The following CFAP20DC variants were observed in gnomAD, a reference collection of about 807,000 sequenced individuals.
CFAP20DC encodes protein CFAP20DC.
Under a neutral mutation model 101.7 loss-of-function variants are expected in CFAP20DC, and 84 were observed. That is an observed-to-expected ratio of 0.83 (90% CI 0.69 to 0.99). The LOEUF (loss-of-function observed/expected upper bound fraction) is 0.99. CFAP20DC is among the 50% of genes least tolerant of loss of function. The pLI is 0.00. For missense variants in CFAP20DC, 1,007 were observed against 970.3 expected (o/e 1.04, Z -0.50); for synonymous variants, 359 against 351.2 (o/e 1.02, Z -0.25).
At chr3:58,825,225 A>G (rs1032799005) in intron 14 of CFAP20DC, among the ~76,000 whole-genome samples, 1 of 152,150 alleles carries the variant, frequency 6.6e-6, no homozygotes, top group Non-Finnish European at 1.5e-5. Flanking sequence ...TAAAAAGGGA[A>G]AATGTCCTAG....
chr3:58,796,925 G>T (rs190216016), intron 15 of CFAP20DC, among the ~76,000 whole-genome samples: 61 of 152,088 alleles, frequency 4.0e-4, no homozygotes, highest in African/African-American at 1.2e-3. Flanking sequence ...ATTGTTTTGG[G>T]ACACCAGGAA....
chr3:58,925,827 T>C (rs1576332276), intron 5 of CFAP20DC, among the ~76,000 whole-genome samples: 1 of 152,202 alleles, frequency 6.6e-6, no homozygotes, highest in African/African-American at 2.4e-5. Flanking sequence ...CCATAGAATC[T>C]AGCTCCAGAG....
intron 5 of CFAP20DC, among the ~76,000 whole-genome samples, chr3:58,934,278 CA>C (rs1318274361): frequency 1.3e-5 from 2 of 152,100 alleles, no homozygotes; most frequent in African/African-American, 4.8e-5. Context: ...TGGCAATAAT[CA>C]ATAGCTTACT....
At chr3:58,805,090 G>T (rs929199470) in intron 15 of CFAP20DC, among the ~76,000 whole-genome samples, 4 of 152,180 alleles carry the variant, frequency 2.6e-5, no homozygotes, top group African/African-American at 9.7e-5. Context: ...TTGGTTCATT[G>T]TTTATTGCTG....
chr3:58,816,296 G>C (rs565096112), intron 14 of CFAP20DC, among the ~76,000 whole-genome samples: 1 of 152,152 alleles, frequency 6.6e-6, no homozygotes, highest in Non-Finnish European at 1.5e-5. Flanking sequence ...AGCCAAGATG[G>C]CCGAATAGGA....
chr3:58,772,766 G>A (rs930887418), intron 15 of CFAP20DC, among the ~76,000 whole-genome samples: 3 of 152,112 alleles, frequency 2.0e-5, no homozygotes, highest in African/African-American at 7.2e-5. Context: ...GTAGAATGTT[G>A]TCAATCTATC....
intron 5 of CFAP20DC, among the ~76,000 whole-genome samples, chr3:58,922,408 T>C (rs1424955118): frequency 6.6e-6 from 1 of 152,220 alleles, no homozygotes; most frequent in Non-Finnish European, 1.5e-5. Flanking sequence ...TGAAAGTTCG[T>C]GCCCAATGTT....
intron 4 of CFAP20DC, among the ~76,000 whole-genome samples, chr3:58,980,438 T>C (rs1480052734): frequency 1.3e-5 from 2 of 152,126 alleles, no homozygotes; most frequent in Admixed American, 6.5e-5. Flanking sequence ...TTGATGAACA[T>C]TGATGCAAAA....
At chr3:58,762,753 C>T (rs1326936732) in intron 15 of CFAP20DC, among the ~76,000 whole-genome samples, 1 of 152,296 alleles carries the variant, frequency 6.6e-6, no homozygotes, top group South Asian at 2.1e-4. Flanking sequence ...AATCTCTCAG[C>T]ATTTGCTTGT....
intron 4 of CFAP20DC, among the ~76,000 whole-genome samples, chr3:58,944,183 A>G (rs1220826091): frequency 1.4e-5 from 2 of 146,790 alleles, no homozygotes; most frequent in Non-Finnish European, 2.9e-5. Context: ...TACCCAACCT[A>G]GCCAAGACAG....
At chr3:58,723,213 A>C (rs1313114945) in intron 3 of CFAP20DC, among the ~76,000 whole-genome samples, 4 of 152,378 alleles carry the variant, frequency 2.6e-5, no homozygotes, top group Non-Finnish European at 5.9e-5. Context: ...TAAATTGCTT[A>C]TAGTAAGATT....
intron 15 of CFAP20DC, among the ~76,000 whole-genome samples, chr3:58,764,690 T>C (rs1210526350): frequency 1.3e-5 from 2 of 152,094 alleles, no homozygotes; most frequent in South Asian, 2.1e-4. Flanking sequence ...TTTTATGCCA[T>C]GGACTGACTC....
At chr3:58,856,544 A>C (rs1415564024) in intron 12 of CFAP20DC, among the ~76,000 whole-genome samples, 1 of 152,182 alleles carries the variant, frequency 6.6e-6, no homozygotes, top group African/African-American at 2.4e-5. Context: ...CTTCCCCACC[A>C]GTCTGGGCAC....
intron 4 of CFAP20DC, among the ~76,000 whole-genome samples, chr3:59,028,766 A>C (rs2093936660): frequency 6.6e-6 from 1 of 152,222 alleles, no homozygotes; most frequent in South Asian, 2.1e-4. Context: ...CTGAGGATTA[A>C]TTGAGCTATA....
At chr3:58,965,028 T>C (rs1445054279) in intron 4 of CFAP20DC, among the ~76,000 whole-genome samples, 1 of 152,224 alleles carries the variant, frequency 6.6e-6, no homozygotes, top group Non-Finnish European at 1.5e-5. Context: ...TTGCATTTAT[T>C]TGTGTTTCAT....
Position 58,886,586 on chromosome 3 carries a change from G to T in CFAP20DC, c.551-1877C>A, listed in dbSNP as rs60453749. 5.0e-4 allele frequency among the ~76,000 whole-genome samples: 76 copies of T among 151,942 alleles called. No individual in the cohort carries two copies. The East Asian group carries it at 0.014, about 28-fold the overall frequency. ...AAAAAAAAAACAAAAAAATTAGCTG[G>T]GCATAGTCCCAGCCACCCAGGAAGC... On this transcript the variant is annotated intron_variant, in intron 6 of 16. Coordinates refer to ENST00000482387, the MANE Select transcript of CFAP20DC (RefSeq NM_001394063.1).
At chr3:58,919,171 A>C (rs1322270939) in intron 5 of CFAP20DC, among the ~76,000 whole-genome samples, 1 of 152,152 alleles carries the variant, frequency 6.6e-6, no homozygotes, top group Non-Finnish European at 1.5e-5. Context: ...TTTGTTCTAT[A>C]ACTTTATATA....
chr3:58,938,350 T>C (rs1177433385), intron 4 of CFAP20DC, among the ~76,000 whole-genome samples: 2 of 152,210 alleles, frequency 1.3e-5, no homozygotes, highest in African/African-American at 2.4e-5. Flanking sequence ...ACATCTTTAA[T>C]AGATTTAGAC....
intron 14 of CFAP20DC, among the ~76,000 whole-genome samples, chr3:58,807,228 G>A (rs992721731): frequency 1.7e-4 from 26 of 152,288 alleles, no homozygotes; most frequent in South Asian, 2.1e-4. Flanking sequence ...CTCCCAGCAC[G>A]CAGCTGGAGA....
Sources: allele counts gnomAD v4.1 joint callset (sites outside exome capture counted in the v4.1 genomes callset), GRCh38; gene constraint gnomAD v4.1.1; transcripts MANE v1.5; gene names NCBI Gene and HGNC (gene_info 2026-07-23, HGNC 2026-07-21).